The following ANAPC10 variants were observed in gnomAD, a reference collection of about 807,000 sequenced individuals.
ANAPC10 encodes anaphase promoting complex subunit 10, also known as anaphase-promoting complex subunit 10.
Under a neutral mutation model 22.0 loss-of-function variants are expected in ANAPC10, and 12 were observed. The observed-to-expected ratio is 0.55, with a 90% CI of 0.35 to 0.88. ANAPC10 has a LOEUF of 0.88. Among genes scored for constraint, ANAPC10 ranks in the 40% least tolerant of loss-of-function variants. The probability of loss-of-function intolerance (pLI) is 0.01; values close to 1 mark genes in which losing one functional copy is unlikely to be tolerated. For missense variants in ANAPC10, 188 were observed against 220.9 expected (o/e 0.85, Z 0.94); for synonymous variants, 65 against 69.5 (o/e 0.94, Z 0.32).
At chr4:145,056,861 T>A (rs1030044373) in intron 4 of ANAPC10, among the ~76,000 whole-genome samples, 4 of 152,208 alleles carry the variant, frequency 2.6e-5, no homozygotes, top group East Asian at 1.9e-4. Context: ...GTAAAATGCA[T>A]ATTTCTATTG....
At chr4:144,998,700 T>A (rs1371589605) in intron 4 of ANAPC10, among the ~76,000 whole-genome samples, 2 of 151,676 alleles carry the variant, frequency 1.3e-5, no homozygotes, top group African/African-American at 4.8e-5. Context: ...ACATCACAAT[T>A]AAAAGAACTA....
In ANAPC10 at chr4:144,994,743, A is replaced by G. The variant is rs1031288873; in HGVS notation, c.*630T>C. 3.3e-5 allele frequency: 5 copies of G among 152,132 alleles called. No individual in the cohort carries two copies. The highest frequency in any genetic ancestry group is 1.2e-4 in the African/African-American group (5 of 41,450). 9.4% of individuals were successfully genotyped at this position (152,132 alleles called of 1,614,324 possible). ...TAAGTACTGCTAGATTATACAGGCA[A>G]TCTTTACATAATATCATTAGGATAC... On this transcript the variant is annotated 3_prime_UTR_variant, in exon 5 of 5. Transcript: ENST00000507656.
rs200203924 is a variant in ANAPC10, at chr4:145,018,479, C to CA, written c.328-22877dup. The stretch of plus-strand genomic sequence containing the variant: ...TGAAACCCCATCTCTACTAAAAATA[C>CA]AAAAAAAAATAAGCCAGGCATGGTG... On this transcript the variant is annotated intron_variant, in intron 4 of 4. Transcript: ENST00000507656. 2.7e-3 allele frequency among the ~76,000 whole-genome samples: 399 copies of CA among 149,734 alleles called. 1 individual carries two copies. Among genetic ancestry groups the CA allele is most frequent in the African/African-American group, 7.8e-3 (320 of 40,918 alleles).
intron 4 of ANAPC10, among the ~76,000 whole-genome samples, chr4:145,031,404 T>TA (rs1247061119): frequency 6.6e-6 from 1 of 152,226 alleles, no homozygotes; most frequent in African/African-American, 2.4e-5. Context: ...TGTGTGGGTC[T>TA]TGTTAAGATA....
At chr4:145,057,206 A>C (rs1425021621) in intron 4 of ANAPC10, among the ~76,000 whole-genome samples, 1 of 152,238 alleles carries the variant, frequency 6.6e-6, no homozygotes, top group Non-Finnish European at 1.5e-5. Flanking sequence ...AAATCATTTC[A>C]TTAGTCCCCA....
intron 3 of ANAPC10, among the ~76,000 whole-genome samples, chr4:145,070,309 G>C (rs1226749410): frequency 6.6e-6 from 1 of 152,154 alleles, no homozygotes; most frequent in Non-Finnish European, 1.5e-5. Context: ...ATATAAAGAA[G>C]TCTTACAGCT....
chr4:145,059,329 A>T (rs1253259534), intron 4 of ANAPC10, among the ~76,000 whole-genome samples: 1 of 152,110 alleles, frequency 6.6e-6, no homozygotes, highest in Non-Finnish European at 1.5e-5. Flanking sequence ...GTGCTACTGA[A>T]ATAAGACACA....
intron 4 of ANAPC10, among the ~76,000 whole-genome samples, chr4:145,016,153 T>A (rs1410579644): frequency 1.3e-5 from 2 of 152,102 alleles, no homozygotes; most frequent in African/African-American, 4.8e-5. Context: ...TAAAGGGTAT[T>A]CAATTAGGAA....
At position 145,081,684 on chromosome 4, in the gene ANAPC10, G is replaced by A; in HGVS notation, c.182C>T (p.Pro61Leu). The A allele has an allele frequency of 1.9e-6, 3 of 1,612,102 alleles. No homozygotes were observed. Among genetic ancestry groups the A allele is most frequent in the South Asian group, 1.1e-5 (1 of 90,502 alleles). Residue 61 changes from proline (P) to leucine (L), a missense_variant, in exon 3 of 5, where the codon CCT (proline) becomes CTT (leucine). By Grantham distance (98) the Pro-to-Leu change is moderately conservative. Transcript: ENST00000507656. ...CCTGAATTGGATGTTCACTAAATGA[G>A]GCTGGGAACCATCTGATTGCCAATA... ...ETYWQSDGSQ[P>L]HLVNIQFRRK...
intron 4 of ANAPC10, among the ~76,000 whole-genome samples, chr4:145,025,332 GC>G (rs36048867): frequency 0.23 from 31,960 of 141,516 alleles, 4,040 homozygotes; most frequent in East Asian, 0.46. Context: ...CTTTCAACAC[GC>G]CCCCCCCCCC....
chr4:144,996,937 G>A (rs981511866), intron 4 of ANAPC10, among the ~76,000 whole-genome samples: 6 of 152,144 alleles, frequency 3.9e-5, no homozygotes, highest in South Asian at 4.1e-4. Flanking sequence ...ACTATGTGAC[G>A]CATGCACAAG....
chr4:145,037,238 A>G (rs932915754), intron 4 of ANAPC10, among the ~76,000 whole-genome samples: 4 of 152,198 alleles, frequency 2.6e-5, no homozygotes, highest in African/African-American at 9.7e-5. Flanking sequence ...TTATCTTAGA[A>G]CAAAAATGAA....
chr4:145,064,263 T>A (rs1743345397), intron 4 of ANAPC10: 1 of 177,610 alleles, frequency 5.6e-6, no homozygotes, highest in Non-Finnish European at 1.2e-5. Context: ...GATGGACAGA[T>A]TGTAATAAAG....
chr4:145,013,294 G>A (rs538459487), intron 4 of ANAPC10, among the ~76,000 whole-genome samples: 28 of 151,896 alleles, frequency 1.8e-4, no homozygotes, highest in Middle Eastern at 3.4e-3. Flanking sequence ...AAAAAACCTA[G>A]AACAAATACT....
intron 4 of ANAPC10, among the ~76,000 whole-genome samples, chr4:145,049,084 T>C (rs907405966): frequency 3.3e-5 from 5 of 152,212 alleles, no homozygotes; most frequent in African/African-American, 9.6e-5. Flanking sequence ...AAGTGTGTAA[T>C]AGCATTATGT....
chr4:145,092,309 C>T (rs957608597), intron 2 of ANAPC10, among the ~76,000 whole-genome samples: 5 of 151,898 alleles, frequency 3.3e-5, no homozygotes, highest in African/African-American at 4.8e-5. Context: ...ACACATGTAC[C>T]CCAGAACTTA....
intron 4 of ANAPC10, among the ~76,000 whole-genome samples, chr4:145,041,436 C>A (rs1386119736): frequency 6.6e-6 from 1 of 152,186 alleles, no homozygotes; most frequent in Non-Finnish European, 1.5e-5. Context: ...AAAGCAAAGA[C>A]CGTTTTTGTT....
intron 4 of ANAPC10, among the ~76,000 whole-genome samples, chr4:144,997,057 G>A (rs1578846517): frequency 6.6e-6 from 1 of 152,094 alleles, no homozygotes; most frequent in African/African-American, 2.4e-5. Flanking sequence ...AAAAAGAAAT[G>A]AACAAAGCCT....
intron 4 of ANAPC10, among the ~76,000 whole-genome samples, chr4:145,011,089 T>C (rs1269842634): frequency 3.3e-5 from 5 of 152,078 alleles, no homozygotes; most frequent in Admixed American, 1.3e-4. Context: ...CCCAGCACTT[T>C]TGGAGGCCGA....
Sources: allele counts gnomAD v4.1 joint callset (sites outside exome capture counted in the v4.1 genomes callset), GRCh38; gene constraint gnomAD v4.1.1; transcripts MANE v1.5; gene names NCBI Gene and HGNC (gene_info 2026-07-23, HGNC 2026-07-21).